PRKG2: variants seen among roughly 807,000 people sequenced by gnomAD.
PRKG2 encodes the protein cGMP-dependent protein kinase 2.
Under a neutral mutation model 97.2 loss-of-function variants are expected in PRKG2, and 33 were observed. That is an observed-to-expected ratio of 0.34 (90% CI 0.26 to 0.45). The LOEUF is 0.45. PRKG2 is among the 20% of genes least tolerant of loss of function. The pLI is 1.00. For missense variants in PRKG2, 638 were observed against 900.0 expected (o/e 0.71, Z 3.73); for synonymous variants, 330 against 321.8 (o/e 1.03, Z -0.27).
At chr4:81,190,078 T>C (rs1752345429) in intron 2 of PRKG2, among the ~76,000 whole-genome samples, 2 of 152,192 alleles carry the variant, frequency 1.3e-5, no homozygotes, top group Non-Finnish European at 2.9e-5. Flanking sequence ...AAAAACCTAC[T>C]TTAAATTTCA....
At position 81,113,046 on chromosome 4, in the gene PRKG2, G is replaced by A. The variant is rs113548468; in HGVS notation, c.1777-2435C>T. Among the ~76,000 whole-genome samples the A allele has an allele frequency of 6.1e-4, 93 of 152,256 alleles. 1 individual carries two copies. The highest frequency in any genetic ancestry group is 2.1e-3 in the African/African-American group (87 of 41,526). On this transcript the variant is annotated intron_variant, in intron 14 of 18. Transcript: ENST00000264399. Reference sequence around the variant, plus strand: ...CTGTAAGCATCCGAGCGGCAGTCGTGCCACCAAAAGGAAGAGCCAGTGAAA... The same window carrying A: ...CTGTAAGCATCCGAGCGGCAGTCGTACCACCAAAAGGAAGAGCCAGTGAAA...
chr4:81,151,389 T>C (rs1398285842), intron 8 of PRKG2, among the ~76,000 whole-genome samples: 2 of 152,106 alleles, frequency 1.3e-5, no homozygotes, highest in Non-Finnish European at 2.9e-5. Flanking sequence ...CCTCGAGCCA[T>C]TTAATTAACT....
At chr4:81,157,499 G>T (rs1749208820) in intron 6 of PRKG2, among the ~76,000 whole-genome samples, 1 of 152,164 alleles carries the variant, frequency 6.6e-6, no homozygotes, top group Non-Finnish European at 1.5e-5. Context: ...TCTACCAGAG[G>T]TACAAGGAGG....
Position 81,146,410 on chromosome 4 carries a change from A to G in PRKG2, c.1155-2080T>C, listed in dbSNP as rs1429175489. On this transcript the variant is annotated intron_variant, in intron 9 of 18. Coordinates refer to ENST00000264399, the MANE Select transcript of PRKG2 (RefSeq NM_006259.3). ...GAAATTTGTCCCAACAGTCAGTGAT[A>G]GAGATGTGACAAATAGCATTTCCCA... 2.0e-5 allele frequency among the ~76,000 whole-genome samples: 3 copies of G among 152,290 alleles called. No individual in the cohort carries two copies. The South Asian group carries it at 6.2e-4, about 32-fold the overall frequency.
intron 17 of PRKG2, among the ~76,000 whole-genome samples, chr4:81,101,662 C>T (rs1188552159): frequency 6.7e-6 from 1 of 148,790 alleles, no homozygotes; most frequent in Admixed American, 6.8e-5. Flanking sequence ...CACATGTATA[C>T]ATATGTAACT....
At chr4:81,200,709 G>C (rs906905836) in intron 2 of PRKG2, among the ~76,000 whole-genome samples, 1 of 152,098 alleles carries the variant, frequency 6.6e-6, no homozygotes, top group East Asian at 1.9e-4. Flanking sequence ...AGTAAGGGGG[G>C]TAGCATCAAA....
chr4:81,154,789 G>C (rs548198927), intron 6 of PRKG2, among the ~76,000 whole-genome samples: 43 of 152,182 alleles, frequency 2.8e-4, no homozygotes, highest in Non-Finnish European at 4.3e-4. Context: ...GACGAGCTGC[G>C]AGAAGAAGGC....
chr4:81,089,643 T>C lies in PRKG2; in HGVS notation c.*65A>G. ...ATAATACTCTGAAAAGAAAATAATG[T>C]GTTGGATTATTGATCCTTGAGGTCC... On this transcript the variant is annotated 3_prime_UTR_variant, in exon 19 of 19. Transcript: ENST00000264399. The C allele has an allele frequency of 8.5e-7, 1 of 1,181,402 alleles. No individual in the cohort carries two copies. Among genetic ancestry groups the C allele is most frequent in the African/African-American group, 1.5e-5 (1 of 64,950 alleles). The allele number at this position is 1,181,402 out of a possible 1,614,324, so 73.2% of individuals were successfully genotyped here.
At chr4:81,171,405 G>C (rs542938948) in intron 4 of PRKG2, among the ~76,000 whole-genome samples, 66 of 152,092 alleles carry the variant, frequency 4.3e-4, no homozygotes, top group African/African-American at 1.5e-3. Flanking sequence ...TCTTTACCCA[G>C]TCTATCACTG....
chr4:81,122,878 T>C (rs1745200222), intron 14 of PRKG2, among the ~76,000 whole-genome samples: 1 of 152,186 alleles, frequency 6.6e-6, no homozygotes, highest in African/African-American at 2.4e-5. Context: ...CACCCCACCC[T>C]AGGCCACCCT....
In PRKG2 at chr4:81,095,066, G is replaced by A. The variant is rs904220909; in HGVS notation, c.2127-2614C>T. On this transcript the variant is annotated intron_variant, in intron 17 of 18. Transcript: ENST00000264399. ...GTCTGTTGGCCATACCAGAAGTTAG[G>A]ATCTTCCACCTTTCTCACTCTCTTC... is the stretch of plus-strand genomic sequence containing the variant. Among the ~76,000 whole-genome samples, 8 of 152,230 alleles carry A rather than the reference G, an allele frequency of 5.3e-5. 1 individual carries two copies. The highest frequency in any genetic ancestry group is 1.9e-4 in the African/African-American group (8 of 41,550).
At chr4:81,155,615 G>T (rs1342833691) in intron 6 of PRKG2, among the ~76,000 whole-genome samples, 1 of 151,792 alleles carries the variant, frequency 6.6e-6, no homozygotes. Context: ...GCAACACCAA[G>T]ACACATAATT....
In PRKG2 at chr4:81,104,414, C is replaced by G; in HGVS notation, c.2082G>C (p.Arg694Ser). 6.8e-7 allele frequency: 1 copy of G among 1,464,602 alleles called. No homozygotes were observed. Among genetic ancestry groups the G allele is most frequent in the Non-Finnish European group, 9.1e-7 (1 of 1,103,560 alleles). The allele number at this position is 1,464,602 out of a possible 1,614,324, so 90.7% of individuals were successfully genotyped here. A position where few individuals can be genotyped will look rare whatever the true frequency, so the allele number is the denominator to read the frequency against. The change falls in exon 17 of 19, where the codon AGG (arginine) becomes AGC (serine). Residue 694 changes from arginine (R) to serine (S), a missense_variant. Arg to Ser is a moderately radical substitution (Grantham distance 110, BLOSUM62 -1). Around this residue, in one of 3 missense-constraint regions of PRKG2, gnomAD observed 304 missense variants for 460.5 expected, o/e 0.66. Coordinates refer to ENST00000264399, the MANE Select transcript of PRKG2 (RefSeq NM_006259.3). ...RRLCRQNPTE[R>S]LGNLKNGIND... ...TTATTCCATTCTTCAGATTTCCCAG[C>G]CTTTCTGTTGGATTTTGCCTAAAAC...
intron 2 of PRKG2, among the ~76,000 whole-genome samples, chr4:81,183,094 A>C (rs1451633741): frequency 6.6e-6 from 1 of 152,188 alleles, no homozygotes; most frequent in Non-Finnish European, 1.5e-5. Flanking sequence ...TAAAAATTAC[A>C]ACACTTAAAG....
At chr4:81,107,942 C>T (rs528227215) in intron 15 of PRKG2, among the ~76,000 whole-genome samples, 3 of 152,038 alleles carry the variant, frequency 2.0e-5, no homozygotes, top group African/African-American at 4.8e-5. Flanking sequence ...TGGTGGCTCA[C>T]GCCTGTAATC....
At chr4:81,144,148 C>T in intron 10 of PRKG2, 84 bp downstream of exon 10, 1 of 1,277,116 alleles carries the variant, frequency 7.8e-7, no homozygotes, top group Non-Finnish European at 1.1e-6. Context: ...AGTTACCACA[C>T]AGCAAGTCAC....
intron 6 of PRKG2, among the ~76,000 whole-genome samples, chr4:81,163,650 G>A (rs987390704): frequency 3.2e-4 from 49 of 152,028 alleles, no homozygotes; most frequent in Non-Finnish European, 6.0e-4. Flanking sequence ...CTAGCAAAAT[G>A]CTAGAGCCTG....
chr4:81,146,236 G>A (rs1747847516), intron 9 of PRKG2, among the ~76,000 whole-genome samples: 1 of 152,172 alleles, frequency 6.6e-6, no homozygotes, highest in African/African-American at 2.4e-5. Flanking sequence ...AAATAGAGGT[G>A]AGATGGGTGC....
At chr4:81,096,489 T>C (rs1742131192) in intron 17 of PRKG2, among the ~76,000 whole-genome samples, 1 of 152,038 alleles carries the variant, frequency 6.6e-6, no homozygotes, top group Admixed American at 6.6e-5. Context: ...TAAGCCCTAA[T>C]CACACCACTG....
Sources: gnomAD v4.1 joint callset for allele counts (sites outside exome capture counted in the v4.1 genomes callset) on GRCh38, gnomAD v4.1.1 for gene constraint, gnomAD v4.1.1 regional missense constraint, MANE v1.5 for transcripts, NCBI Gene and HGNC (gene_info 2026-07-23, HGNC 2026-07-21) for gene names.